Variants in DLG2 observed in about 807,000 individuals in gnomAD.
The protein encoded by DLG2 is disks large homolog 2.
A neutral mutation model predicts 132.5 loss-of-function variants in DLG2; 45 were observed. The ratio of observed to expected loss-of-function variants is 0.34; its 90% CI spans 0.27 to 0.44. DLG2 has a LOEUF of 0.44. DLG2 is among the 20% of genes least tolerant of loss of function. The probability of loss-of-function intolerance (pLI) is 1.00; values close to 1 mark genes in which losing one functional copy is unlikely to be tolerated. For missense variants in DLG2, 1,045 were observed against 1,196.9 expected, an observed-to-expected ratio of 0.87 and a Z score of 1.87; for synonymous variants, 424 against 419.6, an observed-to-expected ratio of 1.01 and a Z score of -0.13.
intron 10 of DLG2, among the ~76,000 whole-genome samples, chr11:84,071,836 T>C (rs1440047575): frequency 6.6e-6 from 1 of 152,208 alleles, no homozygotes; most frequent in Non-Finnish European, 1.5e-5. Context: ...ATTATTTATA[T>C]ATAACAAATA....
At chr11:83,532,270 C>A (rs76158891) in intron 21 of DLG2, among the ~76,000 whole-genome samples, 180 of 152,096 alleles carry the variant, frequency 1.2e-3, no homozygotes, top group African/African-American at 4.1e-3. Flanking sequence ...CACAACAATC[C>A]GTGTATTCAT....
At chr11:85,009,946 T>A (rs755499785) in intron 6 of DLG2, among the ~76,000 whole-genome samples, 3 of 152,152 alleles carry the variant, frequency 2.0e-5, no homozygotes, top group Non-Finnish European at 2.9e-5. Flanking sequence ...ACATCCTTTG[T>A]ACACATGTAG....
At chr11:84,404,909 T>A (rs1225426023) in intron 7 of DLG2, among the ~76,000 whole-genome samples, 1 of 152,210 alleles carries the variant, frequency 6.6e-6, no homozygotes, top group Non-Finnish European at 1.5e-5. Flanking sequence ...GTCACTTACT[T>A]TTTATAGACC....
In DLG2 at chr11:84,641,781, A is replaced by G. The variant is rs1167751705; in HGVS notation, c.358-107050T>C. On this transcript the variant is annotated intron_variant, in intron 6 of 27. Transcript: ENST00000376104. The stretch of plus-strand genomic sequence containing the variant: ...GATTATGAAGATTATATATTAGTTC[A>G]ATATTTGTAAAATGCTTAGAACATT... 3.9e-4 allele frequency among the ~76,000 whole-genome samples: 59 copies of G among 152,176 alleles called. 1 individual carries two copies. The highest frequency in any genetic ancestry group is 1.2e-4 in the Non-Finnish European group (8 of 67,994).
intron 5 of DLG2, among the ~76,000 whole-genome samples, chr11:85,121,204 G>A (rs1445942683): frequency 6.6e-6 from 1 of 151,864 alleles, no homozygotes; most frequent in African/African-American, 2.4e-5. Context: ...TGAAAGTTGA[G>A]TAAAACATAA....
At chr11:85,258,036 G>T (rs1374317343) in intron 4 of DLG2, among the ~76,000 whole-genome samples, 1 of 152,108 alleles carries the variant, frequency 6.6e-6, no homozygotes, top group Admixed American at 6.5e-5. Flanking sequence ...TGATACTGTG[G>T]TTGTCTTACA....
At chr11:84,059,156 G>T (rs989556470) in intron 11 of DLG2, among the ~76,000 whole-genome samples, 159 bp downstream of exon 11, 4 of 151,974 alleles carry the variant, frequency 2.6e-5, no homozygotes, top group Non-Finnish European at 4.4e-5. Flanking sequence ...TTAGAGTACT[G>T]GTTTCCTTTA....
intron 14 of DLG2, among the ~76,000 whole-genome samples, chr11:83,938,668 A>G (rs2154136834): frequency 6.6e-6 from 1 of 152,306 alleles, no homozygotes; most frequent in East Asian, 1.9e-4. Context: ...TTTACCAAAA[A>G]CCTACTTTGT....
intron 8 of DLG2, among the ~76,000 whole-genome samples, chr11:84,184,212 T>C (rs181062952): frequency 2.5e-4 from 38 of 152,324 alleles, no homozygotes; most frequent in African/African-American, 9.1e-4. Flanking sequence ...AGTGCTCCTA[T>C]TTCTCCACGT....
intron 3 of DLG2, among the ~76,000 whole-genome samples, chr11:85,403,457 T>G (rs2088391705): frequency 6.6e-6 from 1 of 151,930 alleles, no homozygotes; most frequent in Non-Finnish European, 1.5e-5. Context: ...ACCTGCACAT[T>G]GTGCACATAT....
chr11:83,982,902 T>A (rs1174537593), intron 11 of DLG2, among the ~76,000 whole-genome samples: 1 of 152,158 alleles, frequency 6.6e-6, no homozygotes, highest in African/African-American at 2.4e-5. Flanking sequence ...GTTTTGCAAT[T>A]GCCTACAGTA....
chr11:85,508,629 G>C (rs567518766), intron 3 of DLG2, among the ~76,000 whole-genome samples: 1 of 152,040 alleles, frequency 6.6e-6, no homozygotes, highest in Non-Finnish European at 1.5e-5. Context: ...CTAGTTTCTA[G>C]AACAATTGAT....
At chr11:84,952,535 A>C (rs142555239) in intron 6 of DLG2, among the ~76,000 whole-genome samples, 14 of 152,070 alleles carry the variant, frequency 9.2e-5, no homozygotes, top group African/African-American at 3.4e-4. Context: ...AAAGAATAAA[A>C]CCAGAACTTC....
At chr11:84,022,985 G>T (rs1158848634) in intron 11 of DLG2, among the ~76,000 whole-genome samples, 1 of 152,048 alleles carries the variant, frequency 6.6e-6, no homozygotes, top group East Asian at 1.9e-4. Context: ...GAGAATTAAA[G>T]CAGATAATAA....
At position 83,770,265 on chromosome 11, in the gene DLG2, G is replaced by GTTTTTGTTTTT. The variant is rs1555392414; in HGVS notation, c.1825+16424_1825+16425insAAAAACAAAAA. On this transcript the variant is annotated intron_variant, in intron 18 of 27. Coordinates refer to ENST00000376104, the MANE Select transcript of DLG2 (RefSeq NM_001142699.3). ...CTCGTGGTGTCTGGTGTTTTTTTTTGTTTTTTTGCTTTTTGTACAAAGATT... is the reference window on the plus strand; with the variant it reads ...CTCGTGGTGTCTGGTGTTTTTTTTTGTTTTTGTTTTTTTTTTTTGCTTTTTGTACAAAGATT... Among the ~76,000 whole-genome samples the GTTTTTGTTTTT allele has an allele frequency of 2.7e-4, 35 of 128,788 alleles. 1 individual carries two copies. The highest frequency in any genetic ancestry group is 1.1e-3 in the African/African-American group (33 of 30,574). The allele number at this position is 128,788 out of a possible 152,430, so 84.5% of individuals were successfully genotyped here. A position where few individuals can be genotyped will look rare whatever the true frequency, so the allele number is the denominator to read the frequency against.
intron 6 of DLG2, among the ~76,000 whole-genome samples, chr11:84,925,672 A>T (rs2092951147): frequency 6.6e-6 from 1 of 152,184 alleles, no homozygotes; most frequent in East Asian, 1.9e-4. Context: ...CTGCCTATGC[A>T]TATTTTTGTA....
intron 8 of DLG2, chr11:84,166,976 C>CTGA (rs2095682742): frequency 1.9e-6 from 1 of 533,172 alleles, no homozygotes; most frequent in Non-Finnish European, 3.8e-6. Context: ...TTTTATGCTA[C>CTGA]TGATAGTTTG....
intron 6 of DLG2, among the ~76,000 whole-genome samples, chr11:84,816,864 C>G (rs777926138): frequency 9.2e-5 from 14 of 151,978 alleles, no homozygotes; most frequent in Non-Finnish European, 1.6e-4. Context: ...TTATTTTGGA[C>G]TTCAATAGCT....
chr11:85,219,223 TA>T (rs952139976), intron 4 of DLG2, among the ~76,000 whole-genome samples: 6 of 152,130 alleles, frequency 3.9e-5, no homozygotes, highest in African/African-American at 1.4e-4. Flanking sequence ...GTATCTAAAA[TA>T]AAAGTTGAAA....
Sources: gnomAD v4.1 joint callset for allele counts (sites outside exome capture counted in the v4.1 genomes callset) on GRCh38, gnomAD v4.1.1 for gene constraint, MANE v1.5 for transcripts, NCBI Gene and HGNC (gene_info 2026-07-23, HGNC 2026-07-21) for gene names.